Variants in C4orf36 observed in about 807,000 individuals in gnomAD.
C4orf36 encodes the protein uncharacterized protein C4orf36.
Under a neutral mutation model 12.2 loss-of-function variants are expected in C4orf36, and 11 were observed. The observed-to-expected ratio is 0.90, with a 90% CI of 0.57 to 1.49. C4orf36 has a LOEUF of 1.49. Ranked by LOEUF, C4orf36 falls within the 40% of genes most tolerant of loss-of-function variation. The probability of loss-of-function intolerance (pLI) is 0.00; values close to 1 mark genes in which losing one functional copy is unlikely to be tolerated. For missense variants in C4orf36, 137 were observed against 133.9 expected, an observed-to-expected ratio of 1.02 and a Z score of -0.11; for synonymous variants, 54 against 51.3, an observed-to-expected ratio of 1.05 and a Z score of -0.22.
chr4:86,879,615 T>A (rs2149419503), intron 4 of C4orf36, among the ~76,000 whole-genome samples: 1 of 152,304 alleles, frequency 6.6e-6, no homozygotes, highest in East Asian at 1.9e-4. Context: ...CTAGCAAGCC[T>A]ACTTGAAGAG....
At chr4:86,907,813 C>T in the C4orf36 span, among the ~76,000 whole-genome samples, 1 of 151,692 alleles carries the variant, frequency 6.6e-6, no homozygotes, top group Non-Finnish European at 1.5e-5. Context: ...CCTAAAAATA[C>T]AAAAAATTAG....
the C4orf36 span, among the ~76,000 whole-genome samples, chr4:86,904,496 C>T: frequency 5.4e-5 from 8 of 147,780 alleles, no homozygotes; most frequent in African/African-American, 2.0e-4. Flanking sequence ...GCAGGGTAAT[C>T]GCTTGAACCT....
At chr4:86,906,971 C>A in the C4orf36 span, among the ~76,000 whole-genome samples, 1 of 151,866 alleles carries the variant, frequency 6.6e-6, no homozygotes, top group Non-Finnish European at 1.5e-5. Flanking sequence ...ACCCAGGGGG[C>A]GGAGGTTGCA....
At chr4:86,931,523 G>A in the C4orf36 span, among the ~76,000 whole-genome samples, 1 of 151,996 alleles carries the variant, frequency 6.6e-6, no homozygotes, top group Admixed American at 6.6e-5. Flanking sequence ...CTCAGCCCCT[G>A]AAGTAGCTGG....
At chr4:86,880,862 C>A (rs1747036779) in intron 4 of C4orf36, among the ~76,000 whole-genome samples, 1 of 151,916 alleles carries the variant, frequency 6.6e-6, no homozygotes, top group Admixed American at 6.6e-5. Context: ...GTCAACATGG[C>A]AAAATCCTGT....
chr4:86,918,238 G>A, the C4orf36 span, among the ~76,000 whole-genome samples: 1 of 152,114 alleles, frequency 6.6e-6, no homozygotes, highest in Non-Finnish European at 1.5e-5. Flanking sequence ...ATGAATTTTG[G>A]GGGGGACATA....
chr4:86,905,723 T>TC, the C4orf36 span, among the ~76,000 whole-genome samples: 1 of 151,402 alleles, frequency 6.6e-6, no homozygotes, highest in African/African-American at 2.4e-5. Flanking sequence ...TTTTTTTTTT[T>TC]TTCTTTTTTT....
At chr4:86,933,517 C>T in the C4orf36 span, 1 of 152,038 alleles carries the variant, frequency 6.6e-6, no homozygotes, top group Non-Finnish European at 1.5e-5. Context: ...AAGTTGACCA[C>T]AGTTTGAAGA....
intron 4 of C4orf36, among the ~76,000 whole-genome samples, chr4:86,884,301 T>C (rs989596208): frequency 0.6 from 63,532 of 105,896 alleles, 16,617 homozygotes; most frequent in South Asian, 0.73. Context: ...AAGACTGAAT[T>C]TTTTTTTTTT....
At chr4:86,925,699 G>C in the C4orf36 span, 4 of 151,388 alleles carry the variant, frequency 2.6e-5, no homozygotes, top group East Asian at 5.8e-4. Flanking sequence ...TTTCTTTCTA[G>C]AAGATTTCAG....
the C4orf36 span, among the ~76,000 whole-genome samples, chr4:86,915,806 A>G: frequency 6.6e-6 from 1 of 152,146 alleles, no homozygotes; most frequent in African/African-American, 2.4e-5. Flanking sequence ...ACAATAAATA[A>G]AAAAGAAGAG....
the C4orf36 span, among the ~76,000 whole-genome samples, chr4:86,902,900 CAA>C: frequency 6.6e-6 from 1 of 151,812 alleles, no homozygotes; most frequent in South Asian, 2.1e-4. Flanking sequence ...CCCTGTATGC[CAA>C]ACAGTGTAAT....
the C4orf36 span, chr4:86,926,468 C>G: frequency 3.5e-4 from 54 of 152,346 alleles, no homozygotes; most frequent in African/African-American, 1.3e-3. Flanking sequence ...CCCTAGCAAC[C>G]TCCACCTGGC....
At chr4:86,891,673 G>A (rs1747422404) in intron 1 of C4orf36, 80 bp from the exon 2 acceptor site, 8 of 1,309,876 alleles carry the variant, frequency 6.1e-6, no homozygotes, top group Non-Finnish European at 6.1e-6. Context: ...AATTCTGAAT[G>A]TCAGAAAGTC....
At chr4:86,932,775 G>T in the C4orf36 span, among the ~76,000 whole-genome samples, 1 of 116,584 alleles carries the variant, frequency 8.6e-6, no homozygotes, top group Non-Finnish European at 1.7e-5. Flanking sequence ...TGGGGGGGTG[G>T]GGGGGTTCTG....
the C4orf36 span, among the ~76,000 whole-genome samples, chr4:86,929,735 C>G: frequency 2.6e-5 from 4 of 152,230 alleles, no homozygotes; most frequent in Admixed American, 2.0e-4. Flanking sequence ...TAGTACCTGA[C>G]AGTAGCTATT....
intron 2 of C4orf36, among the ~76,000 whole-genome samples, chr4:86,890,732 G>A (rs1437497014): frequency 6.6e-6 from 1 of 152,214 alleles, no homozygotes; most frequent in African/African-American, 2.4e-5. Flanking sequence ...GGAAAAGACT[G>A]CACTACAATA....
chr4:86,931,422 G>A, the C4orf36 span, among the ~76,000 whole-genome samples: 1 of 151,904 alleles, frequency 6.6e-6, no homozygotes, highest in Non-Finnish European at 1.5e-5. Flanking sequence ...TTTTTGAGGT[G>A]GGGTCTCATT....
chr4:86,923,087 CT>C, the C4orf36 span, among the ~76,000 whole-genome samples: 700 of 134,558 alleles, frequency 5.2e-3, no homozygotes, highest in Non-Finnish European at 4.8e-3. Context: ...ATCCAGCTGC[CT>C]TTTTTTTTTT....
Sources: gnomAD v4.1 joint callset for allele counts (sites outside exome capture counted in the v4.1 genomes callset) on GRCh38, gnomAD v4.1.1 for gene constraint, MANE v1.5 for transcripts, NCBI Gene and HGNC (gene_info 2026-07-23, HGNC 2026-07-21) for gene names.